Variants in STN1 observed in about 807,000 individuals in gnomAD.
The protein encoded by STN1 is CST complex subunit STN1.
Under a neutral mutation model 45.5 loss-of-function variants are expected in STN1, and 29 were observed. The observed-to-expected ratio is 0.64, with a 90% confidence interval of 0.47 to 0.87. The LOEUF (loss-of-function observed/expected upper bound fraction) is 0.87. Among genes scored for constraint, STN1 ranks in the 40% least tolerant of loss-of-function variants. The pLI is 0.00. For synonymous variants in STN1, 148 were observed against 159.0 expected (o/e 0.93, Z 0.52); for missense variants, 376 against 441.4 (o/e 0.85, Z 1.33).
chr10:103,910,864 C>T (rs936361165), intron 2 of STN1, among the ~76,000 whole-genome samples: 3 of 152,124 alleles, frequency 2.0e-5, no homozygotes, highest in African/African-American at 4.8e-5. Flanking sequence ...AGAAAACCAA[C>T]GCTGTCCAAC....
intron 2 of STN1, among the ~76,000 whole-genome samples, chr10:103,911,004 G>A (rs3752948): frequency 0.28 from 32,472 of 114,964 alleles, 3,687 homozygotes; most frequent in Admixed American, 0.34. Flanking sequence ...CATGAGAAAG[G>A]CTTCTTTGGC....
intron 7 of STN1, among the ~76,000 whole-genome samples, chr10:103,893,397 C>T (rs1843152894): frequency 6.6e-6 from 1 of 151,988 alleles, no homozygotes; most frequent in South Asian, 2.1e-4. Context: ...CTCGATCTCC[C>T]GACCTCGTGA....
chr10:103,885,088 G>A (rs1843095094), intron 9 of STN1, among the ~76,000 whole-genome samples: 1 of 152,162 alleles, frequency 6.6e-6, no homozygotes, highest in African/African-American at 2.4e-5. Context: ...GTCACTCCCG[G>A]GAACAAAACC....
intron 8 of STN1, 132 bp downstream of exon 8, chr10:103,891,998 G>C (rs549678554): frequency 1.5e-5 from 11 of 747,100 alleles, no homozygotes; most frequent in Non-Finnish European, 2.3e-5. Context: ...GAAGGATAAG[G>C]GCCAACTTTC....
At chr10:103,908,271 C>G (rs542317065) in intron 3 of STN1, among the ~76,000 whole-genome samples, 2 of 59,884 alleles carry the variant, frequency 3.3e-5, no homozygotes, top group South Asian at 2.7e-3. Flanking sequence ...CTGTCACCAA[C>G]CCCCGGACTT....
intron 3 of STN1, among the ~76,000 whole-genome samples, chr10:103,905,558 G>C (rs138395814): frequency 2.8e-4 from 42 of 152,322 alleles, no homozygotes; most frequent in Non-Finnish European, 5.1e-4. Context: ...TGAAACAAGA[G>C]AGCATCGTGT....
chr10:103,898,931 T>C lies in STN1; in HGVS notation c.527A>G (p.Lys176Arg), dbSNP rs113833417. The part of the protein sequence containing the change: ...RMLELPTIYR[K>R]VYDQPFHSSA... ...GCTGTGAAAAGGCTGGTCATAAACT[T>C]TCCTGTAGATAGTGGGCAGCTCAAG... The change falls in exon 6 of 10, where the codon AAA (lysine) becomes AGA (arginine). Residue 176 changes from lysine (K) to arginine (R), a missense_variant. By Grantham distance (26) the Lys-to-Arg change is conservative. Coordinates refer to ENST00000224950, the MANE Select transcript of STN1 (RefSeq NM_024928.5). 6 of 1,614,120 alleles carry C rather than the reference T, an allele frequency of 3.7e-6. No homozygotes were observed. The highest frequency in any genetic ancestry group is 5.1e-6 in the Non-Finnish European group (6 of 1,180,004).
chr10:103,905,073 T>C lies in STN1; in HGVS notation c.295+18A>G. On this transcript the variant is annotated intron_variant, in intron 4 of 9. Coordinates refer to ENST00000224950, the MANE Select transcript of STN1 (RefSeq NM_024928.5). ...ATTAGTTAGGTGAAAAGTAAAGGAA[T>C]GTGGCAAATAAAATTACCTGATACA... The C allele has an allele frequency of 1.9e-6, 3 of 1,607,846 alleles. No individual in the cohort carries two copies. The highest frequency in any genetic ancestry group is 1.3e-5 in the African/African-American group (1 of 74,942).
At chr10:103,899,147 T>G (rs372985127) in intron 5 of STN1, 147 bp from the exon 6 acceptor site, 1 of 764,752 alleles carries the variant, frequency 1.3e-6, no homozygotes, top group African/African-American at 1.7e-5. Flanking sequence ...GATCACAGTC[T>G]AGATGCACTA....
At chr10:103,890,707 C>A (rs1169789043) in intron 8 of STN1, among the ~76,000 whole-genome samples, 31 of 152,308 alleles carry the variant, frequency 2.0e-4, no homozygotes. Flanking sequence ...GACTGGGATA[C>A]CTGCTTCAAA....
chr10:103,893,609 G>GTGC (rs1843154118), intron 7 of STN1, among the ~76,000 whole-genome samples: 1 of 152,172 alleles, frequency 6.6e-6, no homozygotes, highest in Non-Finnish European at 1.5e-5. Flanking sequence ...AGCCTATGTG[G>GTGC]GGCAGCACCC....
intron 2 of STN1, 73 bp from the exon 3 acceptor site, chr10:103,910,695 G>A (rs1409098182): frequency 6.3e-6 from 5 of 787,784 alleles, no homozygotes; most frequent in Non-Finnish European, 6.3e-6. Flanking sequence ...TTAACTTGTA[G>A]GGGGGAAGGG....
chr10:103,884,351 G>A (rs1360586374), intron 9 of STN1, among the ~76,000 whole-genome samples: 2 of 152,082 alleles, frequency 1.3e-5, no homozygotes, highest in Non-Finnish European at 2.9e-5. Context: ...CAAACTCAAA[G>A]AGAGCAGAAA....
rs1007520355 is a variant in STN1, at chr10:103,882,761, G to A, written c.1030C>T (p.Leu344=). The change falls in exon 10 of 10, where the codon CTG becomes TTG. Residue 344 remains leucine, a synonymous_variant. Coordinates refer to ENST00000224950, the MANE Select transcript of STN1 (RefSeq NM_024928.5). Reference sequence around the variant, plus strand: ...TCCAGGAGCTCCAGAACTTGCTGCAGCACAGCCTCGCTCAGGCCCGGGCGG... The same window carrying A: ...TCCAGGAGCTCCAGAACTTGCTGCAACACAGCCTCGCTCAGGCCCGGGCGG... ...SIRPGLSEAV[L]QQVLELLEDQ... is the part of the protein sequence containing the mutation. 6.2e-7 allele frequency: 1 copy of A among 1,614,220 alleles called. No individual in the cohort carries two copies. Among genetic ancestry groups the A allele is most frequent in the Admixed American group, 1.7e-5 (1 of 60,016 alleles).
chr10:103,913,432 T>C (rs1244201409), intron 2 of STN1, among the ~76,000 whole-genome samples: 1 of 151,276 alleles, frequency 6.6e-6, no homozygotes, highest in African/African-American at 2.4e-5. Flanking sequence ...ACAAAACCCT[T>C]CCAGTTCCAA....
intron 8 of STN1, among the ~76,000 whole-genome samples, chr10:103,891,793 C>A (rs1843141151): frequency 6.6e-6 from 1 of 152,182 alleles, no homozygotes; most frequent in East Asian, 1.9e-4. Flanking sequence ...AAAATCCACA[C>A]ACACTCAAGT....
intron 7 of STN1, among the ~76,000 whole-genome samples, chr10:103,896,242 G>C (rs1843169956): frequency 1.3e-5 from 2 of 152,204 alleles, no homozygotes; most frequent in Non-Finnish European, 2.9e-5. Context: ...CCTGGGTAGA[G>C]AGCAAAGAAT....
rs764617296 is a variant in STN1, at chr10:103,897,531, G to A, written c.753+17C>T. ...GGGCAGGGAACCAGAATTCTCACAT[G>A]GGCATGCTGCACTCACTTGGTCGGA... On this transcript the variant is annotated intron_variant, in intron 7 of 9. Transcript: ENST00000224950. 1 of 1,611,570 alleles carries A rather than the reference G, an allele frequency of 6.2e-7. No individual in the cohort carries two copies. Among genetic ancestry groups the A allele is most frequent in the Non-Finnish European group, 8.5e-7 (1 of 1,178,160 alleles).
intron 5 of STN1, 134 bp downstream of exon 5, chr10:103,899,928 C>A: frequency 3.1e-6 from 2 of 644,708 alleles, no homozygotes; most frequent in Non-Finnish European, 5.2e-6. Flanking sequence ...GCATGTTAAA[C>A]AATGTAATTC....
Sources: allele counts gnomAD v4.1 joint callset (sites outside exome capture counted in the v4.1 genomes callset), GRCh38; gene constraint gnomAD v4.1.1; transcripts MANE v1.5; gene names NCBI Gene and HGNC (gene_info 2026-07-23, HGNC 2026-07-21).